Variants in RASA1 observed in about 807,000 individuals in gnomAD.
RASA1 encodes the protein ras GTPase-activating protein 1.
In RASA1, 25 loss-of-function variants were observed where a neutral mutation model predicts 132.2. The observed-to-expected ratio is 0.19, with a 90% CI of 0.14 to 0.26. The LOEUF (loss-of-function observed/expected upper bound fraction) is 0.26, where lower values mean the gene tolerates loss of function less well. Ranked by LOEUF, RASA1 falls within the 10% of genes least tolerant of loss-of-function variation. The probability of loss-of-function intolerance (pLI) is 1.00; values close to 1 mark genes in which losing one functional copy is unlikely to be tolerated. For synonymous variants in RASA1, 477 were observed against 449.9 expected (o/e 1.06, Z -0.76); for missense variants, 964 against 1,299.2 (o/e 0.74, Z 3.97).
chr5:87,328,160 A>T (rs573071236), intron 1 of RASA1, among the ~76,000 whole-genome samples: 29 of 152,324 alleles, frequency 1.9e-4, no homozygotes, highest in African/African-American at 4.1e-4. Context: ...TGTGCCAGGT[A>T]TATTCTGTGT....
At chr5:87,355,335 T>C (rs1759571205) in intron 9 of RASA1, among the ~76,000 whole-genome samples, 1 of 152,190 alleles carries the variant, frequency 6.6e-6, no homozygotes, top group African/African-American at 2.4e-5. Flanking sequence ...CAATTATCGT[T>C]GACTATTCTG....
At chr5:87,316,226 C>T (rs1756325104) in intron 1 of RASA1, among the ~76,000 whole-genome samples, 1 of 152,182 alleles carries the variant, frequency 6.6e-6, no homozygotes. Context: ...TAGATGTGCC[C>T]TCTAAGATGT....
rs1762506131 is a variant in RASA1 at position 87,391,427 on chromosome 5, T to C, written c.*544T>C. 5 of 244,404 alleles carry C rather than the reference T, an allele frequency of 2.0e-5. No homozygotes were observed. In the Admixed American group the frequency reaches 2.5e-4, roughly 12 times the overall value. The allele number at this position is 244,404 out of a possible 1,614,324, so 15.1% of individuals were successfully genotyped here. On this transcript the variant is annotated 3_prime_UTR_variant, in exon 25 of 25. Transcript: ENST00000274376. ...TATAATAGGAACAATCTTTGCTGTA[T>C]ACTTTTAAAAAATACTCTGCTATTT...
Position 87,374,149 on chromosome 5 carries a change from T to A in RASA1, c.1777-14T>A, listed in dbSNP as rs36000817. 44,815 of 1,110,972 alleles carry A rather than the reference T, an allele frequency of 0.04. 254 individuals carry two copies. Among genetic ancestry groups the A allele is most frequent in the Non-Finnish European group, 0.044 (37,887 of 856,960 alleles). The allele number at this position is 1,110,972 out of a possible 1,614,324, so 68.8% of individuals were successfully genotyped here. On this transcript the variant is annotated splice_polypyrimidine_tract_variant and intron_variant, in intron 13 of 24. Coordinates refer to ENST00000274376, the MANE Select transcript of RASA1 (RefSeq NM_002890.3). ...TCTGGGGTAATATATATATATATAT[T>A]TTTTTTTTTTTAGGTCAGCAGCCTT... is the stretch of plus-strand genomic sequence containing the variant.
intron 5 of RASA1, among the ~76,000 whole-genome samples, chr5:87,340,713 T>C (rs1014553644): frequency 2.0e-5 from 3 of 152,140 alleles, no homozygotes; most frequent in African/African-American, 7.2e-5. Context: ...GAGGTAGCAT[T>C]TGAGATAGTT....
chr5:87,271,187 G>A (rs1227061912), intron 1 of RASA1, among the ~76,000 whole-genome samples: 3 of 152,044 alleles, frequency 2.0e-5, no homozygotes, highest in African/African-American at 4.8e-5. Flanking sequence ...GCAGTGAGCC[G>A]AGATCCTGCC....
intron 12 of RASA1, 107 bp downstream of exon 12, chr5:87,370,007 T>G (rs1239698063): frequency 1.1e-6 from 1 of 927,316 alleles, no homozygotes; most frequent in African/African-American, 1.7e-5. Context: ...ACAGAACGCC[T>G]GAAATCTAAT....
intron 1 of RASA1, among the ~76,000 whole-genome samples, chr5:87,304,822 GTTTACACATGTA>G (rs1755534204): frequency 6.7e-6 from 1 of 149,372 alleles, no homozygotes; most frequent in African/African-American, 2.5e-5. Flanking sequence ...GTCAATGTTT[GTTTACACATGTA>G]TTTACTCTTT....
At chr5:87,388,600 A>G (rs1421776800) in intron 23 of RASA1, among the ~76,000 whole-genome samples, 3 of 152,170 alleles carry the variant, frequency 2.0e-5, no homozygotes, top group Admixed American at 6.5e-5. Flanking sequence ...TATACTATAA[A>G]CTTTCATTAT....
At chr5:87,328,690 C>T (rs1218318325) in intron 1 of RASA1, among the ~76,000 whole-genome samples, 1 of 152,098 alleles carries the variant, frequency 6.6e-6, no homozygotes, top group South Asian at 2.1e-4. Context: ...ATATGATTCT[C>T]TATGCAGGAC....
At chr5:87,282,775 T>C (rs1392090746) in intron 1 of RASA1, among the ~76,000 whole-genome samples, 1 of 152,186 alleles carries the variant, frequency 6.6e-6, no homozygotes, top group East Asian at 1.9e-4. Context: ...ATTCTATTGA[T>C]CTGTTGGTCC....
chr5:87,274,457 G>A (rs1003970897), intron 1 of RASA1, among the ~76,000 whole-genome samples: 1 of 152,108 alleles, frequency 6.6e-6, no homozygotes, highest in African/African-American at 2.4e-5. Flanking sequence ...AAAAATGGGG[G>A]TGAGACTTGC....
intron 1 of RASA1, chr5:87,330,796 A>T: frequency 2.2e-6 from 1 of 453,816 alleles, no homozygotes; most frequent in Non-Finnish European, 3.7e-6. Context: ...GTCATGGAGT[A>T]GATTATCTTA....
chr5:87,281,916 G>T (rs1476615793), intron 1 of RASA1, among the ~76,000 whole-genome samples: 42 of 151,974 alleles, frequency 2.8e-4, no homozygotes, highest in Admixed American at 2.6e-3. Context: ...TTTTGTTTTC[G>T]TAGGAGTTCT....
At chr5:87,350,768 C>T (rs1759203732) in intron 8 of RASA1, among the ~76,000 whole-genome samples, 1 of 151,034 alleles carries the variant, frequency 6.6e-6, no homozygotes, top group African/African-American at 2.4e-5. Flanking sequence ...TGACCATTCC[C>T]CCAGAACTTT....
chr5:87,295,975 C>G (rs916088387), intron 1 of RASA1, among the ~76,000 whole-genome samples: 3 of 151,998 alleles, frequency 2.0e-5, no homozygotes, highest in African/African-American at 7.3e-5. Flanking sequence ...CGCCACCACG[C>G]CCAGCTAATT....
intron 1 of RASA1, among the ~76,000 whole-genome samples, chr5:87,269,590 A>G (rs889963016): frequency 3.9e-5 from 6 of 152,232 alleles, no homozygotes; most frequent in South Asian, 2.1e-4. Flanking sequence ...TTAAGAGCCT[A>G]TATTCCAACA....
intron 1 of RASA1, among the ~76,000 whole-genome samples, chr5:87,307,281 T>C (rs1310612040): frequency 6.6e-6 from 1 of 152,224 alleles, no homozygotes; most frequent in Admixed American, 6.5e-5. Flanking sequence ...TTTTCTGTCC[T>C]TGTTTTCTTT....
At chr5:87,322,583 C>G (rs1283654608) in intron 1 of RASA1, among the ~76,000 whole-genome samples, 1 of 152,090 alleles carries the variant, frequency 6.6e-6, no homozygotes, top group Non-Finnish European at 1.5e-5. Context: ...TGCTAGCTCT[C>G]CCTTTGCCTT....
Sources: allele counts gnomAD v4.1 joint callset (sites outside exome capture counted in the v4.1 genomes callset), GRCh38; gene constraint gnomAD v4.1.1; transcripts MANE v1.5; gene names NCBI Gene and HGNC (gene_info 2026-07-23, HGNC 2026-07-21).